CD38: variants seen among roughly 807,000 people sequenced by gnomAD.
CD38 encodes ADP-ribosyl cyclase/cyclic ADP-ribose hydrolase 1.
Under a neutral mutation model 36.3 loss-of-function variants are expected in CD38, and 31 were observed. The observed-to-expected ratio is 0.85, with a 90% confidence interval of 0.64 to 1.15. The LOEUF is 1.15. CD38 is among the 50% of genes most tolerant of loss of function. The pLI, the probability that CD38 is intolerant of heterozygous loss-of-function variation, is 0.00. For missense variants in CD38, 380 were observed against 371.9 expected (o/e 1.02, Z -0.18); for synonymous variants, 131 against 135.2 (o/e 0.97, Z 0.22).
At position 15,791,829 on chromosome 4, in the gene CD38, C is replaced by T. The variant is rs1173554193; in HGVS notation, c.233+13182C>T. Among the ~76,000 whole-genome samples, 14 of 91,734 alleles carry T rather than the reference C, an allele frequency of 1.5e-4. 1 individual carries two copies. The East Asian group carries it at 2.3e-3, about 15-fold the overall frequency. 60.2% of individuals were successfully genotyped at this position (91,734 alleles called of 152,430 possible). A position where few individuals can be genotyped will look rare whatever the true frequency, so the allele number is the denominator to read the frequency against. ...AGGGTCAGCCCCCCGCCCGGCCAGC[C>T]GCCCTATCCAGGAGGTGAGGGGCGC... On this transcript the variant is annotated intron_variant, in intron 1 of 7. Transcript: ENST00000226279.
chr4:15,781,943 G>C (rs1352134428), intron 1 of CD38, among the ~76,000 whole-genome samples: 1 of 152,190 alleles, frequency 6.6e-6, no homozygotes, highest in South Asian at 2.1e-4. Context: ...GGGATCAGCT[G>C]AGTGGCCTGT....
In CD38 at chr4:15,778,601, G is replaced by A. The variant is rs1243992258; in HGVS notation, c.187G>A (p.Val63Ile). The change falls in exon 1 of 8, where the codon GTC becomes ATC. Residue 63 changes from valine to isoleucine, a missense_variant. Coordinates refer to ENST00000226279, the MANE Select transcript of CD38 (RefSeq NM_001775.4). The surrounding 1 kb of genome is among the most constrained non-coding windows in gnomAD (Gnocchi z 4.9). ...PGTTKRFPETVLARCVKYTEI... is the reference protein window; with the variant it reads ...PGTTKRFPETILARCVKYTEI... Reference sequence around the variant, plus strand: ...CACCACCAAGCGCTTTCCCGAGACCGTCCTGGCGCGATGCGTCAAGTACAC... The same window carrying A: ...CACCACCAAGCGCTTTCCCGAGACCATCCTGGCGCGATGCGTCAAGTACAC... The A allele has an allele frequency of 1.9e-6, 3 of 1,613,710 alleles. No individual in the cohort carries two copies. Among genetic ancestry groups the A allele is most frequent in the South Asian group, 1.1e-5 (1 of 91,070 alleles).
chr4:15,826,638 G>A (rs1723856352), intron 3 of CD38, among the ~76,000 whole-genome samples: 1 of 151,990 alleles, frequency 6.6e-6, no homozygotes, highest in Non-Finnish European at 1.5e-5. Flanking sequence ...AGGCACAGTG[G>A]CTCATACCTG....
chr4:15,810,610 T>C (rs2148920771), intron 1 of CD38, among the ~76,000 whole-genome samples: 2 of 152,338 alleles, frequency 1.3e-5, no homozygotes, highest in South Asian at 4.1e-4. Context: ...GTACATAATG[T>C]AATAAGCTTT....
At chr4:15,779,582 GCAAATAGACCTC>G (rs1722646024) in intron 1 of CD38, among the ~76,000 whole-genome samples, 1 of 152,128 alleles carries the variant, frequency 6.6e-6, no homozygotes, top group Non-Finnish European at 1.5e-5. Context: ...GAGGAAACGA[GCAAATAGACCTC>G]CCTCGCCTCT....
At chr4:15,824,674 G>A (rs1185894633) in intron 2 of CD38, among the ~76,000 whole-genome samples, 2 of 136,462 alleles carry the variant, frequency 1.5e-5, no homozygotes, top group African/African-American at 6.2e-5. Flanking sequence ...TTTACATTGT[G>A]ACCTAGAACA....
intron 7 of CD38, among the ~76,000 whole-genome samples, chr4:15,847,541 C>G (rs1221128845): frequency 1.9e-5 from 2 of 103,358 alleles, no homozygotes; most frequent in African/African-American, 8.6e-5. Flanking sequence ...CACATGTACC[C>G]TAAAACTTAG....
chr4:15,819,530 T>A (rs907717584), intron 2 of CD38, among the ~76,000 whole-genome samples: 2 of 152,032 alleles, frequency 1.3e-5, no homozygotes, highest in Non-Finnish European at 2.9e-5. Flanking sequence ...TTAACCAGAA[T>A]AACTGGTTTA....
chr4:15,783,162 G>A (rs1722734755), intron 1 of CD38, among the ~76,000 whole-genome samples: 2 of 152,140 alleles, frequency 1.3e-5, no homozygotes, highest in African/African-American at 4.8e-5. Flanking sequence ...ACTCAACAAA[G>A]CGTTTGCTGA....
intron 1 of CD38, among the ~76,000 whole-genome samples, chr4:15,790,521 C>T (rs1270805247): frequency 1.3e-5 from 2 of 152,028 alleles, no homozygotes; most frequent in Non-Finnish European, 2.9e-5. Flanking sequence ...GATCTCGGCT[C>T]GCTACAACCT....
intron 1 of CD38, among the ~76,000 whole-genome samples, chr4:15,795,075 A>G (rs1268105100): frequency 2.0e-5 from 3 of 152,218 alleles, no homozygotes; most frequent in Non-Finnish European, 1.5e-5. Flanking sequence ...TTATTCTTCC[A>G]TTAAAGGAAA....
In CD38 at chr4:15,849,699, A is replaced by G. The variant is rs148763145; in HGVS notation, c.*1097A>G. ...AAAGAACTAAGCTTTAGCTTCATTGATTTTTTTCTATTTAATTGGGTTTTG... is the reference window on the plus strand; with the variant it reads ...AAAGAACTAAGCTTTAGCTTCATTGGTTTTTTTCTATTTAATTGGGTTTTG... On this transcript the variant is annotated 3_prime_UTR_variant, in exon 8 of 8. Coordinates refer to ENST00000226279, the MANE Select transcript of CD38 (RefSeq NM_001775.4). The G allele has an allele frequency of 6.6e-6, 1 of 151,944 alleles. No homozygotes were observed. The highest frequency in any genetic ancestry group is 2.4e-5 in the African/African-American group (1 of 41,352). 9.4% of individuals were successfully genotyped at this position (151,944 alleles called of 1,614,324 possible). A position where few individuals can be genotyped will look rare whatever the true frequency, so the allele number is the denominator to read the frequency against.
At chr4:15,789,597 G>A (rs1051402988) in intron 1 of CD38, among the ~76,000 whole-genome samples, 12 of 152,172 alleles carry the variant, frequency 7.9e-5, no homozygotes, top group Non-Finnish European at 8.8e-5. Flanking sequence ...GAAGTGGCAG[G>A]ATGAGAGATT....
At chr4:15,788,505 A>G (rs1722890357) in intron 1 of CD38, among the ~76,000 whole-genome samples, 1 of 152,128 alleles carries the variant, frequency 6.6e-6, no homozygotes, top group Admixed American at 6.6e-5. Context: ...GGGAGGCAGG[A>G]TGAGAAGCCA....
chr4:15,850,254 A>C lies in CD38; in HGVS notation c.*1652A>C, dbSNP rs908201791. On this transcript the variant is annotated 3_prime_UTR_variant, in exon 8 of 8. Coordinates refer to ENST00000226279, the MANE Select transcript of CD38 (RefSeq NM_001775.4). ...GTTGAGGCTGCAGGGAGCTGTGATC[A>C]CACCACTGCACTCTGGCCTGAGTGA... is the stretch of plus-strand genomic sequence containing the variant. 6.6e-6 allele frequency: 1 copy of C among 152,194 alleles called. No individual in the cohort carries two copies. The highest frequency in any genetic ancestry group is 2.4e-5 in the African/African-American group (1 of 41,438). 9.4% of individuals were successfully genotyped at this position (152,194 alleles called of 1,614,324 possible). A position where few individuals can be genotyped will look rare whatever the true frequency, so the allele number is the denominator to read the frequency against.
At chr4:15,791,050 G>A (rs1426623407) in intron 1 of CD38, among the ~76,000 whole-genome samples, 3 of 138,732 alleles carry the variant, frequency 2.2e-5, no homozygotes, top group Non-Finnish European at 4.7e-5. Flanking sequence ...GAGGTGGGGG[G>A]GGGTCAGCCC....
chr4:15,835,421 A>G (rs993094930), intron 4 of CD38, among the ~76,000 whole-genome samples: 5 of 114,286 alleles, frequency 4.4e-5, no homozygotes, highest in African/African-American at 1.3e-4. Context: ...TCTGTCACCC[A>G]GGCTGGAGTG....
intron 2 of CD38, among the ~76,000 whole-genome samples, chr4:15,821,440 G>A (rs755400475): frequency 2.0e-4 from 31 of 151,866 alleles, no homozygotes; most frequent in South Asian, 8.3e-4. Context: ...TAGATGGATC[G>A]CTAGCTAGAC....
chr4:15,815,504 T>C (rs1019315085), intron 1 of CD38, among the ~76,000 whole-genome samples: 2 of 152,148 alleles, frequency 1.3e-5, no homozygotes, highest in African/African-American at 4.8e-5. Context: ...TATTCCTAGG[T>C]ATTTTATTCT....
Sources: allele counts gnomAD v4.1 joint callset (sites outside exome capture counted in the v4.1 genomes callset), GRCh38; gene constraint gnomAD v4.1.1; non-coding constraint Gnocchi (gnomAD v3.1); transcripts MANE v1.5; gene names NCBI Gene and HGNC (gene_info 2026-07-23, HGNC 2026-07-21).